The following EDIL3 variants were observed in gnomAD, a reference collection of about 807,000 sequenced individuals.
EDIL3 encodes the protein EGF-like repeat and discoidin I-like domain-containing protein 3.
In EDIL3, 37 loss-of-function variants were observed where a neutral mutation model predicts 67.4. The ratio of observed to expected loss-of-function variants is 0.55; its 90% CI spans 0.42 to 0.72. EDIL3 has a LOEUF of 0.72. Among genes scored for constraint, EDIL3 ranks in the 30% least tolerant of loss-of-function variants. The probability of loss-of-function intolerance (pLI) is 0.00; values close to 1 mark genes in which losing one functional copy is unlikely to be tolerated. For missense variants in EDIL3, 527 were observed against 586.3 expected (o/e 0.90, Z 1.04); for synonymous variants, 195 against 196.3 (o/e 0.99, Z 0.05).
At chr5:84,228,602 G>C (rs1399167145) in intron 3 of EDIL3, among the ~76,000 whole-genome samples, 2 of 152,064 alleles carry the variant, frequency 1.3e-5, no homozygotes, top group Non-Finnish European at 2.9e-5. Context: ...TCAATTGAGG[G>C]TTTGTCTGAA....
intron 9 of EDIL3, among the ~76,000 whole-genome samples, chr5:84,052,899 C>A (rs1490777204): frequency 6.6e-6 from 1 of 152,132 alleles, no homozygotes; most frequent in Non-Finnish European, 1.5e-5. Context: ...GACAGATCAA[C>A]AAGACAGACA....
At chr5:84,291,316 C>T (rs1361582704) in intron 1 of EDIL3, among the ~76,000 whole-genome samples, 1 of 152,116 alleles carries the variant, frequency 6.6e-6, no homozygotes, top group African/African-American at 2.4e-5. Context: ...TTTACACACA[C>T]ATGAATGCAC....
intron 9 of EDIL3, among the ~76,000 whole-genome samples, chr5:83,991,351 T>A (rs1453844204): frequency 6.6e-6 from 1 of 152,202 alleles, no homozygotes; most frequent in Non-Finnish European, 1.5e-5. Flanking sequence ...GTTAAATCTT[T>A]TTTAATTAGA....
At chr5:84,016,014 G>A (rs539925671) in intron 9 of EDIL3, among the ~76,000 whole-genome samples, 1 of 152,176 alleles carries the variant, frequency 6.6e-6, no homozygotes, top group Admixed American at 6.6e-5. Context: ...GTACCTAACA[G>A]CTATCTTTTC....
intron 4 of EDIL3, among the ~76,000 whole-genome samples, chr5:84,152,424 G>A (rs1748412632): frequency 6.6e-6 from 1 of 151,980 alleles, no homozygotes; most frequent in Admixed American, 6.6e-5. Context: ...AAAATAATGG[G>A]CTATCTCCAT....
intron 9 of EDIL3, among the ~76,000 whole-genome samples, chr5:84,003,725 A>C (rs62364183): frequency 0.049 from 7,400 of 152,234 alleles, 259 homozygotes; most frequent in African/African-American, 0.092. Flanking sequence ...AAATATACTT[A>C]GGTACATAGA....
At chr5:84,276,647 C>A (rs1745587942) in intron 1 of EDIL3, among the ~76,000 whole-genome samples, 2 of 152,030 alleles carry the variant, frequency 1.3e-5, no homozygotes, top group South Asian at 2.1e-4. Flanking sequence ...TGGCTCACTG[C>A]AACCTCTCCC....
chr5:84,375,952 A>G (rs1400815440), intron 1 of EDIL3, among the ~76,000 whole-genome samples: 5 of 152,234 alleles, frequency 3.3e-5, no homozygotes, highest in Non-Finnish European at 7.4e-5. Context: ...TAAAATAATT[A>G]CTAGTGAAAT....
chr5:84,221,381 G>A (rs1744338106), intron 3 of EDIL3, among the ~76,000 whole-genome samples: 1 of 151,988 alleles, frequency 6.6e-6, no homozygotes, highest in Admixed American at 6.6e-5. Context: ...CCTGTCTAAA[G>A]AGAAAGATGA....
chr5:84,173,577 G>A (rs2112350994), intron 4 of EDIL3, among the ~76,000 whole-genome samples: 1 of 152,280 alleles, frequency 6.6e-6, no homozygotes, highest in African/African-American at 2.4e-5. Flanking sequence ...CAGAAGGGTA[G>A]AGAGTCAATC....
At chr5:84,196,807 C>T (rs1055444860) in intron 3 of EDIL3, 1 of 152,012 alleles carries the variant, frequency 6.6e-6, no homozygotes, top group African/African-American at 2.4e-5. Context: ...TTTTATACCA[C>T]TGTATTTTGT....
intron 1 of EDIL3, among the ~76,000 whole-genome samples, chr5:84,359,470 G>A (rs1747552303): frequency 6.6e-6 from 1 of 152,082 alleles, no homozygotes; most frequent in Admixed American, 6.6e-5. Flanking sequence ...TCCTCTAATG[G>A]CTTACATGGT....
At chr5:84,271,536 T>TTTA (rs1745473242) in intron 1 of EDIL3, among the ~76,000 whole-genome samples, 1 of 152,064 alleles carries the variant, frequency 6.6e-6, no homozygotes, top group Non-Finnish European at 1.5e-5. Context: ...TTATAAATGA[T>TTTA]TTATGTGCCT....
At chr5:84,332,959 T>A (rs1231052149) in intron 1 of EDIL3, among the ~76,000 whole-genome samples, 1 of 152,194 alleles carries the variant, frequency 6.6e-6, no homozygotes, top group Non-Finnish European at 1.5e-5. Flanking sequence ...CTGATTTAAA[T>A]GAAAAACTAA....
At chr5:83,997,694 G>A (rs1264837611) in intron 9 of EDIL3, among the ~76,000 whole-genome samples, 1 of 152,132 alleles carries the variant, frequency 6.6e-6, no homozygotes, top group East Asian at 1.9e-4. Flanking sequence ...TATAGTCAGA[G>A]GTGGAGAAAG....
intron 1 of EDIL3, among the ~76,000 whole-genome samples, chr5:84,367,646 G>A (rs1402500656): frequency 6.6e-6 from 1 of 152,092 alleles, no homozygotes; most frequent in Non-Finnish European, 1.5e-5. Flanking sequence ...AGCTGGGCAT[G>A]GTGGCACATG....
intron 1 of EDIL3, 66 bp downstream of exon 1, chr5:84,384,242 G>A (rs1748171033): frequency 4.5e-6 from 7 of 1,553,932 alleles, no homozygotes; most frequent in East Asian, 2.4e-5. Flanking sequence ...CCGGCCCCCT[G>A]CGCGGCGTTT....
chr5:84,265,008 C>T (rs1745318682), intron 1 of EDIL3, among the ~76,000 whole-genome samples: 1 of 152,134 alleles, frequency 6.6e-6, no homozygotes, highest in South Asian at 2.1e-4. Flanking sequence ...AAGTCAAACA[C>T]AAGTTGGTTA....
chr5:84,038,291 T>C (rs930284016), intron 9 of EDIL3, among the ~76,000 whole-genome samples: 1 of 152,096 alleles, frequency 6.6e-6, no homozygotes, highest in Admixed American at 6.6e-5. Context: ...CTCCAAGTAA[T>C]AGGGAGCTGG....
Sources: gnomAD v4.1 joint callset for allele counts (sites outside exome capture counted in the v4.1 genomes callset) on GRCh38, gnomAD v4.1.1 for gene constraint, MANE v1.5 for transcripts, NCBI Gene and HGNC (gene_info 2026-07-23, HGNC 2026-07-21) for gene names.